CRYBG3: variants seen among roughly 807,000 people sequenced by gnomAD.
CRYBG3 encodes the protein very large A-kinase anchor protein.
CRYBG3 carries 127 observed loss-of-function variants against 244.2 expected under a neutral mutation model. The ratio of observed to expected loss-of-function variants is 0.52; its 90% CI spans 0.45 to 0.60. The LOEUF is 0.60. Ranked by LOEUF, CRYBG3 falls within the 20% of genes least tolerant of loss-of-function variation. CRYBG3 has a pLI of 0.00. For missense variants in CRYBG3, 3,325 were observed against 3,442.5 expected (o/e 0.97, Z 0.85); for synonymous variants, 1,132 against 1,195.8 (o/e 0.95, Z 1.10).
At chr3:97,942,985 G>C in intron 21 of CRYBG3, 1 of 437,886 alleles carries the variant, frequency 2.3e-6, no homozygotes, top group Non-Finnish European at 4.0e-6. Flanking sequence ...TCACATTAAG[G>C]CACGCCACTT....
intron 17 of CRYBG3, among the ~76,000 whole-genome samples, chr3:97,929,333 A>G (rs1000596847): frequency 8.6e-5 from 13 of 151,980 alleles, no homozygotes; most frequent in Middle Eastern, 3.4e-3. Flanking sequence ...TTTAAAGATT[A>G]TTAATAGTTG....
chr3:97,881,282 T>A, intron 7 of CRYBG3, 63 bp downstream of exon 7: 1 of 1,150,706 alleles, frequency 8.7e-7, no homozygotes. Flanking sequence ...AAACCTGTGC[T>A]GTGGCCTGGC....
chr3:97,848,974 G>A (rs1169368437), intron 2 of CRYBG3, among the ~76,000 whole-genome samples: 1 of 152,146 alleles, frequency 6.6e-6, no homozygotes, highest in Admixed American at 6.5e-5. Flanking sequence ...CACCTCCTTG[G>A]AACAGTTTTG....
chr3:97,832,977 C>T (rs1350692435), intron 1 of CRYBG3, among the ~76,000 whole-genome samples: 1 of 152,194 alleles, frequency 6.6e-6, no homozygotes. Context: ...CTCATCATCA[C>T]TGGTCATTAG....
At chr3:97,917,527 G>T (rs1001287510) in intron 17 of CRYBG3, among the ~76,000 whole-genome samples, 2 of 152,110 alleles carry the variant, frequency 1.3e-5, no homozygotes, top group African/African-American at 4.8e-5. Context: ...GAACATGAGG[G>T]AGTTTGGATA....
Position 97,875,885 on chromosome 3 carries a change from T to A in CRYBG3, c.4691T>A (p.Val1564Asp). The change falls in exon 4 of 22, where the codon GTC becomes GAC. Residue 1564 changes from valine to aspartate, a missense_variant. By Grantham distance (152) the Val-to-Asp change is radical. This residue lies in a region of CRYBG3 where 635 missense variants were observed against 771.7 expected (regional missense o/e 0.82). Coordinates refer to ENST00000389622, the MANE Select transcript of CRYBG3 (RefSeq NM_153605.4). The part of the protein sequence containing the change: ...AELNILKYEA[V>D]PPMIEMGRIH... ...TTGAATATTCTGAAATATGAGGCAG[T>A]CCCTCCTATGATAGAAATGGGAAGA... 8.1e-7 allele frequency: 1 copy of A among 1,231,938 alleles called. No homozygotes were observed. The highest frequency in any genetic ancestry group is 1.0e-6 in the Non-Finnish European group (1 of 987,858). 76.3% of individuals were successfully genotyped at this position (1,231,938 alleles called of 1,614,324 possible). A position where few individuals can be genotyped will look rare whatever the true frequency, so the allele number is the denominator to read the frequency against.
intron 1 of CRYBG3, chr3:97,840,773 T>C (rs559920393): frequency 6.6e-6 from 1 of 152,252 alleles, no homozygotes; most frequent in African/African-American, 2.4e-5. Flanking sequence ...AGATGTTGTA[T>C]GTTTAAGTAG....
In CRYBG3 at chr3:97,900,487, TA is replaced by T; in HGVS notation, c.8004+3del. 6.5e-7 allele frequency: 1 copy of T among 1,538,790 alleles called. No homozygotes were observed. The highest frequency in any genetic ancestry group is 9.0e-7 in the Non-Finnish European group (1 of 1,114,408). On this transcript the variant is annotated splice_donor_region_variant and intron_variant, in intron 15 of 21. Transcript: ENST00000389622. ...GGGATAAATGAACCTCCGCATTTGGTATGTTTAAAAATATTCTTGTAATTGT... is the reference window on the plus strand; with the variant it reads ...GGGATAAATGAACCTCCGCATTTGGTTGTTTAAAAATATTCTTGTAATTGT...
intron 16 of CRYBG3, among the ~76,000 whole-genome samples, chr3:97,914,542 T>G (rs1369053484): frequency 6.6e-6 from 1 of 152,146 alleles, no homozygotes; most frequent in Non-Finnish European, 1.5e-5. Flanking sequence ...GTGAGAGACC[T>G]GGATTTGAGC....
intron 17 of CRYBG3, among the ~76,000 whole-genome samples, chr3:97,927,904 TA>T (rs919396363): frequency 1.3e-5 from 2 of 151,884 alleles, no homozygotes; most frequent in African/African-American, 4.8e-5. Flanking sequence ...AGTCAACAAA[TA>T]ACAGATGCTA....
intron 2 of CRYBG3, among the ~76,000 whole-genome samples, chr3:97,861,353 G>T (rs2039145390): frequency 1.3e-5 from 2 of 152,082 alleles, no homozygotes; most frequent in South Asian, 4.1e-4. Flanking sequence ...CATATCTCTT[G>T]TAAGCCCCCT....
In CRYBG3 at chr3:97,877,446, A is replaced by G; in HGVS notation, c.6252A>G (p.Ala2084=). The G allele has an allele frequency of 1.2e-6, 2 of 1,614,118 alleles. No individual in the cohort carries two copies. The highest frequency in any genetic ancestry group is 1.7e-6 in the Non-Finnish European group (2 of 1,180,002). ...EAKRYKIYPL[A]LSPIYEDDSS... ...AAAGGTACAAAATTTATCCTTTAGC[A>G]TTGTCTCCCATTTATGAGGATGACA... The change falls in exon 4 of 22, where the codon GCA becomes GCG. Residue 2084 remains alanine, a synonymous_variant. Coordinates refer to ENST00000389622, the MANE Select transcript of CRYBG3 (RefSeq NM_153605.4).
In CRYBG3 at chr3:97,871,995, A is replaced by G. The variant is rs1485791139; in HGVS notation, c.801A>G (p.Arg267=). 11 of 1,535,790 alleles carry G rather than the reference A, an allele frequency of 7.2e-6. No individual in the cohort carries two copies. The highest frequency in any genetic ancestry group is 1.2e-5 in the South Asian group (1 of 84,046). ...AAAGTTCTGACTCTAGTACAAACAG[A>G]CACATTGACCCTGGAAGTGAGATTG... ...ENESSDSSTN[R]HIDPGSEIEA... The change falls in exon 4 of 22, where the codon AGA becomes AGG. Residue 267 remains arginine, a synonymous_variant. Coordinates refer to ENST00000389622, the MANE Select transcript of CRYBG3 (RefSeq NM_153605.4).
intron 17 of CRYBG3, among the ~76,000 whole-genome samples, chr3:97,920,167 T>A (rs1222133852): frequency 6.6e-6 from 1 of 152,166 alleles, no homozygotes; most frequent in Non-Finnish European, 1.5e-5. Flanking sequence ...GAACACCTGC[T>A]CTTTACTAAA....
intron 10 of CRYBG3, among the ~76,000 whole-genome samples, chr3:97,890,088 C>G (rs1413363619): frequency 1.3e-5 from 2 of 152,162 alleles, no homozygotes; most frequent in Non-Finnish European, 2.9e-5. Context: ...TTCAACTCTC[C>G]CATTTCTGGG....
intron 2 of CRYBG3, among the ~76,000 whole-genome samples, chr3:97,857,207 G>C (rs186511024): frequency 1.3e-3 from 190 of 152,000 alleles, no homozygotes; most frequent in Non-Finnish European, 5.3e-4. Context: ...TTGATTTCTA[G>C]TGTTATTCCA....
chr3:97,941,181 C>G lies in CRYBG3; in HGVS notation c.8539C>G (p.Gln2847Glu). 6.2e-7 allele frequency: 1 copy of G among 1,611,464 alleles called. No homozygotes were observed. The highest frequency in any genetic ancestry group is 8.5e-7 in the Non-Finnish European group (1 of 1,178,364). Residue 2847 changes from glutamine to glutamate, a missense_variant, in exon 20 of 22, where the codon CAG becomes GAG. By Grantham distance (29) the Gln-to-Glu change is conservative. This residue lies in a region of CRYBG3 where 714 missense variants were observed against 803.6 expected (regional missense o/e 0.89). Coordinates refer to ENST00000389622, the MANE Select transcript of CRYBG3 (RefSeq NM_153605.4). ...AVYIRIKNRAQGEYLTVTGSL... is the reference protein window; with the variant it reads ...AVYIRIKNRAEGEYLTVTGSL... ...GTACATCAGAATAAAGAACCGTGCC[C>G]AGGGTGAATATCTGACAGTCACTGG... is the stretch of plus-strand genomic sequence containing the variant.
intron 17 of CRYBG3, chr3:97,924,376 C>T (rs1466076954): frequency 2.2e-6 from 1 of 453,216 alleles, no homozygotes; most frequent in Non-Finnish European, 4.4e-6. Context: ...GGATGGATTT[C>T]TTCAAACAGA....
chr3:97,901,280 C>T (rs915062079), intron 15 of CRYBG3, among the ~76,000 whole-genome samples: 1 of 152,140 alleles, frequency 6.6e-6, no homozygotes, highest in Admixed American at 6.5e-5. Flanking sequence ...TTTTAAATTA[C>T]AAATTCAGAA....
Sources: gnomAD v4.1 joint callset for allele counts (sites outside exome capture counted in the v4.1 genomes callset) on GRCh38, gnomAD v4.1.1 for gene constraint, gnomAD v4.1.1 regional missense constraint, MANE v1.5 for transcripts, NCBI Gene and HGNC (gene_info 2026-07-23, HGNC 2026-07-21) for gene names.